ZDHHC19: variants seen among roughly 807,000 people sequenced by gnomAD.
The protein encoded by ZDHHC19 is palmitoyltransferase ZDHHC19.
In ZDHHC19, 30 loss-of-function variants were observed where a neutral mutation model predicts 33.9. That is an observed-to-expected ratio of 0.88 (90% CI 0.66 to 1.20). ZDHHC19 has a LOEUF of 1.20. ZDHHC19 is among the 50% of genes most tolerant of loss of function. The pLI, the probability that ZDHHC19 is intolerant of heterozygous loss-of-function variation, is 0.00. For synonymous variants in ZDHHC19, 178 were observed against 167.6 expected (o/e 1.06, Z -0.48); for missense variants, 364 against 401.1 (o/e 0.91, Z 0.79).
Position 196,203,945 on chromosome 3 carries a change from T to C in ZDHHC19, c.687+3453A>G, listed in dbSNP as rs1722546430. ...ATACCTGCAGCTCCTCCCTCATCAA[T>C]GCTGCCCATCAGTTTTCCTAGAACA... On this transcript the variant is annotated intron_variant, in intron 5 of 7. Coordinates refer to ENST00000296326, the MANE Select transcript of ZDHHC19 (RefSeq NM_001039617.2). This position sits in a 1 kb window ranked among gnomAD's most constrained non-coding sequence, Gnocchi z 4.3. 1.3e-5 allele frequency among the ~76,000 whole-genome samples: 2 copies of C among 152,192 alleles called. No individual in the cohort carries two copies. The highest frequency in any genetic ancestry group is 1.3e-4 in the Admixed American group (2 of 15,274).
rs1560134389 is a variant in ZDHHC19 at position 196,203,257 on chromosome 3, AAAAGAAAGAAAGAAG to A, written c.687+4126_687+4140del. ...AATACTCTGTCTCAAAAAAGAAAAA[AAAAGAAAGAAAGAAG>A]AAAGAAAGAGAGAGAGAAATTGAAC... On this transcript the variant is annotated intron_variant, in intron 5 of 7. Transcript: ENST00000296326. This position sits in a 1 kb window ranked among gnomAD's most constrained non-coding sequence, Gnocchi z 4.3. 1.3e-5 allele frequency among the ~76,000 whole-genome samples: 2 copies of A among 152,076 alleles called. No homozygotes were observed. The highest frequency in any genetic ancestry group is 4.8e-5 in the African/African-American group (2 of 41,376).
chr3:196,208,637 C>T (rs930712954), intron 3 of ZDHHC19, 77 bp from the exon 4 acceptor site: 5 of 1,517,190 alleles, frequency 3.3e-6, no homozygotes, highest in African/African-American at 2.8e-5. Flanking sequence ...TCCTGAGGCC[C>T]TCCCCCTGCC....
intron 5 of ZDHHC19, among the ~76,000 whole-genome samples, chr3:196,201,983 G>A (rs11924930): frequency 0.42 from 63,244 of 151,892 alleles, 14,800 homozygotes; most frequent in African/African-American, 0.63. Flanking sequence ...TTCCTTTGTT[G>A]GTTGGTTCAC....
rs200391531 is a variant in ZDHHC19 at position 196,211,351 on chromosome 3, C to T, written c.-36G>A. The T allele has an allele frequency of 8.8e-5, 137 of 1,563,030 alleles. No individual in the cohort carries two copies. The highest frequency in any genetic ancestry group is 2.6e-6 in the Non-Finnish European group (3 of 1,155,338). Reference sequence around the variant, plus strand: ...CCTTCGCCTCCAGGGGAGGTCAGAGCCACCAGGCTTCCTCCCCCAGCCCAG... The same window carrying T: ...CCTTCGCCTCCAGGGGAGGTCAGAGTCACCAGGCTTCCTCCCCCAGCCCAG... On this transcript the variant is annotated 5_prime_UTR_variant, in exon 1 of 8. Coordinates refer to ENST00000296326, the MANE Select transcript of ZDHHC19 (RefSeq NM_001039617.2).
chr3:196,209,561 C>G (rs371089413), intron 2 of ZDHHC19, 46 bp from the exon 3 acceptor site: 2 of 1,593,944 alleles, frequency 1.3e-6, no homozygotes, highest in African/African-American at 2.7e-5. Context: ...CCTGCGGTCA[C>G]CCCGCGGCGG....
rs1159747709 is a variant in ZDHHC19, at chr3:196,210,814, T to A, written c.147-77A>T. ...GCCCAAGGCCTGTGGCTTGCTCAGGTCAGGACCCACAGACCTTCAAGCCAG... is the reference window on the plus strand; with the variant it reads ...GCCCAAGGCCTGTGGCTTGCTCAGGACAGGACCCACAGACCTTCAAGCCAG... On this transcript the variant is annotated intron_variant, in intron 1 of 7. Coordinates refer to ENST00000296326, the MANE Select transcript of ZDHHC19 (RefSeq NM_001039617.2). 4 of 1,547,364 alleles carry A rather than the reference T, an allele frequency of 2.6e-6. No individual in the cohort carries two copies. The Admixed American group carries it at 8.3e-5, about 32-fold the overall frequency.
In ZDHHC19 at chr3:196,200,506, C is replaced by T. The variant is rs369992757; in HGVS notation, c.688-1632G>A. Among the ~76,000 whole-genome samples the T allele has an allele frequency of 2.2e-3, 327 of 150,400 alleles. 5 individuals carry two copies. In the East Asian group the frequency reaches 0.037, roughly 17 times the overall value. ...AGTAGCTGGGATTACAGGTGCTCGCCACCACGCCCAGCTAATTTTTTGTAT... is the reference window on the plus strand; with the variant it reads ...AGTAGCTGGGATTACAGGTGCTCGCTACCACGCCCAGCTAATTTTTTGTAT... On this transcript the variant is annotated intron_variant, in intron 5 of 7. Transcript: ENST00000296326.
At chr3:196,207,075 G>T (rs1308051423) in intron 5 of ZDHHC19, among the ~76,000 whole-genome samples, 2 of 152,132 alleles carry the variant, frequency 1.3e-5, no homozygotes, top group African/African-American at 4.8e-5. Context: ...CCCCCTCTCT[G>T]AGTGTTCGTG....
intron 5 of ZDHHC19, among the ~76,000 whole-genome samples, chr3:196,200,702 G>A (rs1293855453): frequency 1.3e-5 from 2 of 149,458 alleles, no homozygotes; most frequent in Non-Finnish European, 3.0e-5. Context: ...TGCCCAGGCT[G>A]GAGTGCAGTG....
At chr3:196,207,278 G>T in intron 5 of ZDHHC19, 120 bp downstream of exon 5, 1 of 817,462 alleles carries the variant, frequency 1.2e-6, no homozygotes, top group Non-Finnish European at 1.9e-6. Context: ...GGGTCTGGAG[G>T]GACCTAACGA....
rs1169467490 is a variant in ZDHHC19 at position 196,208,381 on chromosome 3, C to T, written c.581+7G>A. 1.1e-5 allele frequency: 17 copies of T among 1,611,440 alleles called. No homozygotes were observed. The highest frequency in any genetic ancestry group is 1.4e-5 in the Non-Finnish European group (17 of 1,178,744). On this transcript the variant is annotated splice_region_variant and intron_variant, in intron 4 of 7. Transcript: ENST00000296326. Reference sequence around the variant, plus strand: ...CTCCTCTCCTGCTTCCCCACGTGGGCGGATACGCGATGGCCTTGTCGGTGG... The same window carrying T: ...CTCCTCTCCTGCTTCCCCACGTGGGTGGATACGCGATGGCCTTGTCGGTGG...
chr3:196,204,422 T>G (rs893014720), intron 5 of ZDHHC19, among the ~76,000 whole-genome samples: 1 of 152,208 alleles, frequency 6.6e-6, no homozygotes, highest in Non-Finnish European at 1.5e-5. Flanking sequence ...ATGAATTCAC[T>G]CAATCTTGTT....
At chr3:196,202,864 T>G (rs1722469354) in intron 5 of ZDHHC19, among the ~76,000 whole-genome samples, 1 of 152,126 alleles carries the variant, frequency 6.6e-6, no homozygotes, top group Non-Finnish European at 1.5e-5. Context: ...ACTTGGCTGC[T>G]GGAGAGCAGA....
rs1472416432 is a variant in ZDHHC19, at chr3:196,201,283, G to A, written c.688-2409C>T. On this transcript the variant is annotated intron_variant, in intron 5 of 7. Coordinates refer to ENST00000296326, the MANE Select transcript of ZDHHC19 (RefSeq NM_001039617.2). Reference sequence around the variant, plus strand: ...AGACGGGGTTTCACTGTGTTGGCCAGTCTCGAACTCCTGACCTCATGATCC... The same window carrying A: ...AGACGGGGTTTCACTGTGTTGGCCAATCTCGAACTCCTGACCTCATGATCC... Among the ~76,000 whole-genome samples, 4 of 151,226 alleles carry A rather than the reference G, an allele frequency of 2.6e-5. No individual in the cohort carries two copies. In the East Asian group the frequency reaches 5.9e-4, roughly 22 times the overall value.
At position 196,210,641 on chromosome 3, in the gene ZDHHC19, G is replaced by A. The variant is rs1723219770; in HGVS notation, c.243C>T (p.Phe81=). ...LTFFSLVSLN[F]SDPGILHQGS... ...CTTGATGTAAGATGCCAGGGTCTGAGAAGTTGAGTGAAACAAGACTGAAGA... is the reference window on the plus strand; with the variant it reads ...CTTGATGTAAGATGCCAGGGTCTGAAAAGTTGAGTGAAACAAGACTGAAGA... The change falls in exon 2 of 8, where the codon TTC becomes TTT. Residue 81 remains phenylalanine (F), a synonymous_variant. Transcript: ENST00000296326. 1 of 1,614,000 alleles carries A rather than the reference G, an allele frequency of 6.2e-7. No homozygotes were observed.
chr3:196,201,892 C>T (rs571123644), intron 5 of ZDHHC19, among the ~76,000 whole-genome samples: 1 of 152,190 alleles, frequency 6.6e-6, no homozygotes, highest in Non-Finnish European at 1.5e-5. Flanking sequence ...CCCAACCCCC[C>T]TCTCCCCATT....
chr3:196,207,773 CCCCGCCCCGCCCCCCGGACGCCCGCCCA>C (rs1722882049), intron 4 of ZDHHC19, among the ~76,000 whole-genome samples: 1 of 30,708 alleles, frequency 3.3e-5, no homozygotes, highest in African/African-American at 1.4e-4. Flanking sequence ...CCGCCCCGAG[CCCCGCCCCGCCCCCCGGACGCCCGCCCA>C]CCCGCCCCGT....
Position 196,208,431 on chromosome 3 carries a change from C to A in ZDHHC19, c.538G>T (p.Val180Leu). 6.2e-7 allele frequency: 1 copy of A among 1,614,154 alleles called. No homozygotes were observed. The highest frequency in any genetic ancestry group is 8.5e-7 in the Non-Finnish European group (1 of 1,180,016). ...GAGAAGGGCAGGTGGGTTGTGCGCA[C>A]CAGGAAGATGAGACAGGTGACCAGC... ...AMLVTCLIFLVRTTHLPFSTD... is the reference protein window; with the variant it reads ...AMLVTCLIFLLRTTHLPFSTD... The change falls in exon 4 of 8, where the codon GTG (valine) becomes TTG (leucine). Residue 180 changes from valine (V) to leucine (L), a missense_variant. Coordinates refer to ENST00000296326, the MANE Select transcript of ZDHHC19 (RefSeq NM_001039617.2).
At chr3:196,201,117 G>C (rs1722307629) in intron 5 of ZDHHC19, among the ~76,000 whole-genome samples, 1 of 151,604 alleles carries the variant, frequency 6.6e-6, no homozygotes, top group East Asian at 1.9e-4. Flanking sequence ...GTGTCGCCCA[G>C]GCTGGAGTGC....
Sources: gnomAD v4.1 joint callset for allele counts (sites outside exome capture counted in the v4.1 genomes callset) on GRCh38, gnomAD v4.1.1 for gene constraint, Gnocchi (gnomAD v3.1) non-coding constraint, MANE v1.5 for transcripts, NCBI Gene and HGNC (gene_info 2026-07-23, HGNC 2026-07-21) for gene names.